FCHSD2: variants seen among roughly 807,000 people sequenced by gnomAD.
FCHSD2 encodes the protein FCH and double SH3 domains 2.
Under a neutral mutation model 108.1 loss-of-function variants are expected in FCHSD2, and 38 were observed. That is an observed-to-expected ratio of 0.35 (90% CI 0.27 to 0.46). FCHSD2 has a LOEUF of 0.46. Among genes scored for constraint, FCHSD2 ranks in the 20% least tolerant of loss-of-function variants. The pLI is 1.00. For synonymous variants in FCHSD2, 279 were observed against 314.7 expected (o/e 0.89, Z 1.20); for missense variants, 751 against 897.8 (o/e 0.84, Z 2.09).
chr11:72,929,065 T>C (rs906332524), intron 8 of FCHSD2, among the ~76,000 whole-genome samples: 2 of 152,238 alleles, frequency 1.3e-5, no homozygotes, highest in Admixed American at 6.5e-5. Flanking sequence ...TCATTTTTTA[T>C]GGCTGGATAG....
At chr11:73,002,728 T>C (rs1010439115) in intron 4 of FCHSD2, among the ~76,000 whole-genome samples, 1 of 152,216 alleles carries the variant, frequency 6.6e-6, no homozygotes, top group African/African-American at 2.4e-5. Flanking sequence ...TAATAGCTGT[T>C]TGCCCTTCCA....
chr11:72,989,449 C>G (rs1857370204), intron 5 of FCHSD2, among the ~76,000 whole-genome samples: 1 of 152,246 alleles, frequency 6.6e-6, no homozygotes, highest in South Asian at 2.1e-4. Flanking sequence ...TAAGGCAATT[C>G]TGTATTTCCC....
intron 8 of FCHSD2, among the ~76,000 whole-genome samples, chr11:72,959,884 G>GTGTA (rs1452452810): frequency 4.6e-5 from 7 of 151,190 alleles, no homozygotes; most frequent in African/African-American, 1.2e-4. Flanking sequence ...GTGTGTGTGT[G>GTGTA]TATGTGTGAT....
At chr11:72,870,648 C>A (rs1361598710) in intron 12 of FCHSD2, among the ~76,000 whole-genome samples, 1 of 150,928 alleles carries the variant, frequency 6.6e-6, no homozygotes, top group Non-Finnish European at 1.5e-5. Context: ...CGCCTGTAAT[C>A]CCAGCACTTT....
intron 8 of FCHSD2, among the ~76,000 whole-genome samples, chr11:72,971,237 A>AAACCTAAATGTAACAGT (rs1305468451): frequency 6.6e-6 from 1 of 152,228 alleles, no homozygotes; most frequent in African/African-American, 2.4e-5. Context: ...GGAAAAATTA[A>AAACCTAAATGTAACAGT]AACCTAAATG....
chr11:72,842,423 G>A (rs998132935), intron 17 of FCHSD2, among the ~76,000 whole-genome samples, 198 bp downstream of exon 17: 2 of 152,238 alleles, frequency 1.3e-5, no homozygotes, highest in Non-Finnish European at 1.5e-5. Flanking sequence ...AGATGGAGGT[G>A]TGGGAGGATG....
Position 72,917,610 on chromosome 11 carries a change from G to A in FCHSD2, c.828+4218C>T, listed in dbSNP as rs139154031. Among the ~76,000 whole-genome samples the A allele has an allele frequency of 8.2e-3, 1,244 of 152,302 alleles. 21 individuals carry two copies. Among genetic ancestry groups the A allele is most frequent in the African/African-American group, 0.027 (1,132 of 41,566 alleles). Reference sequence around the variant, plus strand: ...CATATTAATTCGAAGACTGGGCCGAGTGCAGTGGCTGACGCCTGTAATCCC... The same window carrying A: ...CATATTAATTCGAAGACTGGGCCGAATGCAGTGGCTGACGCCTGTAATCCC... On this transcript the variant is annotated intron_variant, in intron 9 of 19. Coordinates refer to ENST00000409418, the MANE Select transcript of FCHSD2 (RefSeq NM_014824.3).
At chr11:72,983,782 T>C (rs1857260571) in intron 8 of FCHSD2, 2 of 478,890 alleles carry the variant, frequency 4.2e-6, no homozygotes, top group South Asian at 1.6e-5. Context: ...GTTTGAGTCA[T>C]TATTTTATTT....
At chr11:73,129,092 C>G (rs1045956068) in intron 2 of FCHSD2, among the ~76,000 whole-genome samples, 1 of 152,034 alleles carries the variant, frequency 6.6e-6, no homozygotes, top group South Asian at 2.1e-4. Flanking sequence ...AGGATGGTCT[C>G]GATCTCCTGA....
chr11:72,888,623 C>CTT (rs879265264), intron 11 of FCHSD2, among the ~76,000 whole-genome samples: 1 of 144,544 alleles, frequency 6.9e-6, no homozygotes. Flanking sequence ...TTCTTTCTTT[C>CTT]TTTTTTTTTT....
At chr11:72,871,664 A>G (rs1157950228) in intron 12 of FCHSD2, among the ~76,000 whole-genome samples, 1 of 152,004 alleles carries the variant, frequency 6.6e-6, no homozygotes, top group East Asian at 1.9e-4. Flanking sequence ...GGCTCACTTG[A>G]GTCCAGGAGT....
At chr11:72,990,886 C>CA (rs1442564364) in intron 5 of FCHSD2, among the ~76,000 whole-genome samples, 2 of 151,848 alleles carry the variant, frequency 1.3e-5, no homozygotes, top group African/African-American at 2.4e-5. Context: ...AATAGAGACA[C>CA]AAAAAAACCC....
intron 9 of FCHSD2, among the ~76,000 whole-genome samples, chr11:72,911,215 G>A (rs1855758433): frequency 1.3e-5 from 2 of 152,158 alleles, no homozygotes; most frequent in South Asian, 4.1e-4. Context: ...AATATATCCA[G>A]TTTCTCCAGC....
At chr11:72,995,255 A>G (rs1857498722) in intron 5 of FCHSD2, among the ~76,000 whole-genome samples, 1 of 152,162 alleles carries the variant, frequency 6.6e-6, no homozygotes, top group African/African-American at 2.4e-5. Context: ...CCTAAATTGT[A>G]ATAGTACTTA....
chr11:73,013,284 A>G (rs983888202), intron 4 of FCHSD2, among the ~76,000 whole-genome samples: 1 of 152,038 alleles, frequency 6.6e-6, no homozygotes, highest in African/African-American at 2.4e-5. Context: ...GGTTATTTTC[A>G]CTTAGAATTT....
At chr11:72,950,665 C>CT (rs950715971) in intron 8 of FCHSD2, among the ~76,000 whole-genome samples, 1 of 152,094 alleles carries the variant, frequency 6.6e-6, no homozygotes, top group African/African-American at 2.4e-5. Flanking sequence ...TTGTATTTCC[C>CT]TTTTTAAAAC....
chr11:72,872,865 C>T lies in FCHSD2; in HGVS notation c.1147-4839G>A, dbSNP rs539025049. 4.6e-5 allele frequency among the ~76,000 whole-genome samples: 7 copies of T among 152,272 alleles called. No homozygotes were observed. In the South Asian group the frequency reaches 8.3e-4, roughly 18 times the overall value. On this transcript the variant is annotated intron_variant, in intron 12 of 19. Transcript: ENST00000409418. ...CTAAGTTTAACCATCTGGGGAAATA[C>T]TAGACTGTTTTTCAACGTGGCTTTA... is the stretch of plus-strand genomic sequence containing the variant.
chr11:72,977,338 T>C lies in FCHSD2; in HGVS notation c.705+6750A>G, dbSNP rs559148196. On this transcript the variant is annotated intron_variant, in intron 8 of 19. Coordinates refer to ENST00000409418, the MANE Select transcript of FCHSD2 (RefSeq NM_014824.3). ...TCAAAGCAAAAATGGACAAATGGGA[T>C]CACATCAAGTTAAAAAACTTCTGCA... Among the ~76,000 whole-genome samples the C allele has an allele frequency of 1.7e-4, 26 of 152,222 alleles. 1 individual carries two copies. Among genetic ancestry groups the C allele is most frequent in the South Asian group, 8.3e-4 (4 of 4,828 alleles).
chr11:73,076,498 A>G (rs1859554978), intron 3 of FCHSD2, among the ~76,000 whole-genome samples: 1 of 152,246 alleles, frequency 6.6e-6, no homozygotes, highest in African/African-American at 2.4e-5. Flanking sequence ...AGGCAATTTT[A>G]GAGAGACATA....
Sources: allele counts gnomAD v4.1 joint callset (sites outside exome capture counted in the v4.1 genomes callset), GRCh38; gene constraint gnomAD v4.1.1; transcripts MANE v1.5; gene names NCBI Gene and HGNC (gene_info 2026-07-23, HGNC 2026-07-21).